The following KLC3 variants were observed in gnomAD, a reference collection of about 807,000 sequenced individuals.
The protein encoded by KLC3 is kinesin light chain 2.
KLC3 carries 72 observed loss-of-function variants against 62.9 expected under a neutral mutation model. That is an observed-to-expected ratio of 1.15 (90% confidence interval 0.95 to 1.39). The LOEUF is 1.39. Ranked by LOEUF, KLC3 falls within the 40% of genes most tolerant of loss-of-function variation. The pLI, the probability that KLC3 is intolerant of heterozygous loss-of-function variation, is 0.00. For synonymous variants in KLC3, 377 were observed against 300.5 expected (o/e 1.25, Z -2.63); for missense variants, 848 against 691.6 (o/e 1.23, Z -2.54).
intron 8 of KLC3, chr19:45,350,110 A>G (rs1971651651): frequency 5.4e-6 from 3 of 552,850 alleles, no homozygotes; most frequent in Non-Finnish European, 6.5e-6. Flanking sequence ...CAGGGGAAGG[A>G]TACGGCCAGG....
intron 3 of KLC3, chr19:45,347,045 C>G: frequency 2.1e-6 from 1 of 483,914 alleles, no homozygotes; most frequent in Non-Finnish European, 3.7e-6. Flanking sequence ...CACCACCTCC[C>G]TCAAACCTTG....
At chr19:45,350,911 ACTCCTGGATTCACT>A in intron 11 of KLC3, 29 bp from the exon 12 acceptor site, 1 of 1,590,250 alleles carries the variant, frequency 6.3e-7, no homozygotes. Flanking sequence ...GAGGGGGGCC[ACTCCTGGATTCACT>A]CATTTCCTCC....
intron 12 of KLC3, 65 bp from the exon 13 acceptor site, chr19:45,351,221 C>T (rs1266931865): frequency 6.3e-7 from 1 of 1,591,262 alleles, no homozygotes; most frequent in Non-Finnish European, 8.6e-7. Flanking sequence ...GGACCTGGAG[C>T]TGGAGGGTGG....
At chr19:45,348,478 T>TA (rs1971566293) in intron 5 of KLC3, among the ~76,000 whole-genome samples, 168 bp from the exon 6 acceptor site, 1 of 151,912 alleles carries the variant, frequency 6.6e-6, no homozygotes, top group African/African-American at 2.4e-5. Context: ...GGCCCAGTGT[T>TA]AGAGAATTGC....
chr19:45,350,046 G>A, intron 8 of KLC3: 2 of 466,686 alleles, frequency 4.3e-6, no homozygotes, highest in South Asian at 5.4e-5. Flanking sequence ...CATCCCCAGG[G>A]CAGGAAGTAA....
At chr19:45,344,669 C>A (rs1030145116) in intron 1 of KLC3, among the ~76,000 whole-genome samples, 1 of 152,004 alleles carries the variant, frequency 6.6e-6, no homozygotes, top group Non-Finnish European at 1.5e-5. Flanking sequence ...ATATGAGGAC[C>A]CCAGAGGCAC....
rs376661134 is a variant in KLC3 at position 45,351,004 on chromosome 19, C to T, written c.1430C>T (p.Ala477Val). ...ACACTGAACGTGGATGCTCCAAGGG[C>T]TCCTGGGACTCAGGTGAGGGGGACA... ...LNTLNVDAPR[A>V]PGTQFPSWHL... is the part of the protein sequence containing the mutation. Residue 477 changes from alanine (A) to valine (V), a missense_variant, in exon 12 of 13, where the codon GCT (alanine) becomes GTT (valine). Coordinates refer to ENST00000391946, the MANE Select transcript of KLC3 (RefSeq NM_177417.3). The T allele has an allele frequency of 3.7e-6, 6 of 1,613,986 alleles. No individual in the cohort carries two copies. Among genetic ancestry groups the T allele is most frequent in the South Asian group, 2.2e-5 (2 of 91,092 alleles).
intron 4 of KLC3, 87 bp from the exon 5 acceptor site, chr19:45,347,846 AGGCAGTCC>A (rs1489180002): frequency 2.9e-6 from 3 of 1,034,744 alleles, no homozygotes; most frequent in Non-Finnish European, 4.3e-6. Context: ...GGGGCCAGTT[AGGCAGTCC>A]GGCAGTTCTG....
At chr19:45,349,408 C>A in intron 7 of KLC3, 21 bp from the exon 8 acceptor site, 1 of 1,589,038 alleles carries the variant, frequency 6.3e-7, no homozygotes, top group Non-Finnish European at 8.6e-7. Context: ...ATCCCTCTGA[C>A]TTGTGACCCC....
chr19:45,349,909 C>G, intron 8 of KLC3: 1 of 448,184 alleles, frequency 2.2e-6, no homozygotes, highest in South Asian at 3.5e-5. Context: ...ATCGCTAGTT[C>G]TTATAGCGTC....
chr19:45,347,348 A>AT lies in KLC3; in HGVS notation c.490-99_490-98insT. The AT allele has an allele frequency of 2.2e-6, 2 of 889,786 alleles. 1 individual carries two copies. Among genetic ancestry groups the AT allele is most frequent in the East Asian group, 5.2e-5 (2 of 38,570 alleles). 55.1% of individuals were successfully genotyped at this position (889,786 alleles called of 1,614,324 possible). ...CAAGCGAAACTCCGTCTCAAAAAAA[A>AT]AAAAAAAACAAAAAAACAAAAACCT... is the stretch of plus-strand genomic sequence containing the variant. On this transcript the variant is annotated intron_variant, in intron 3 of 12. Transcript: ENST00000391946.
chr19:45,348,812 C>A lies in KLC3; in HGVS notation c.868-8C>A. On this transcript the variant is annotated splice_polypyrimidine_tract_variant and splice_region_variant and intron_variant, in intron 6 of 12. Coordinates refer to ENST00000391946, the MANE Select transcript of KLC3 (RefSeq NM_177417.3). ...CATCCCTGACCTGTGCCTCCCCCAA[C>A]CCCGCAGGTGGCCGCCACGCTCAAC... 1 of 1,563,702 alleles carries A rather than the reference C, an allele frequency of 6.4e-7. No individual in the cohort carries two copies. The highest frequency in any genetic ancestry group is 8.7e-7 in the Non-Finnish European group (1 of 1,153,818).
intron 1 of KLC3, among the ~76,000 whole-genome samples, chr19:45,341,554 G>GGTGTGTGTGTGTGTGT (rs773352088): frequency 1.5e-4 from 21 of 144,112 alleles, no homozygotes; most frequent in African/African-American, 4.8e-4. Context: ...TCTGCCTGTT[G>GGTGTGTGTGTGTGTGT]GTGTGTGTGT....
intron 11 of KLC3, 98 bp downstream of exon 11, chr19:45,350,845 C>T: frequency 7.6e-7 from 1 of 1,318,344 alleles, no homozygotes; most frequent in Non-Finnish European, 1.1e-6. Context: ...TTCCATGGCT[C>T]CCATCTCCCC....
In KLC3 at chr19:45,350,361, G is replaced by C. The variant is rs755453083; in HGVS notation, c.1164G>C (p.Gln388His). The change falls in exon 9 of 13, where the codon CAG becomes CAC. Residue 388 changes from glutamine to histidine, a missense_variant. Transcript: ENST00000391946. ...KNNLASAYLK[Q>H]NKYQQAEELY... is the part of the protein sequence containing the mutation. ...CGCAGGCCTCAGCCTACCTGAAACA[G>C]AACAAGTATCAACAAGCGGAAGAGC... 9 of 1,613,294 alleles carry C rather than the reference G, an allele frequency of 5.6e-6. No individual in the cohort carries two copies. The highest frequency in any genetic ancestry group is 2.2e-5 in the East Asian group (1 of 44,834).
intron 8 of KLC3, 41 bp from the exon 9 acceptor site, chr19:45,350,300 A>ACTGGGGTCCGAAAAGTTCC (rs1568526856): frequency 6.6e-7 from 1 of 1,516,742 alleles, no homozygotes; most frequent in South Asian, 1.1e-5. Context: ...AGTGTTGGGA[A>ACTGGGGTCCGAAAAGTTCC]CTGGGGTCCG....
At chr19:45,351,113 C>A in intron 12 of KLC3, 96 bp downstream of exon 12, 1 of 1,606,850 alleles carries the variant, frequency 6.2e-7, no homozygotes, top group Non-Finnish European at 8.5e-7. Flanking sequence ...GTGGAGTCAG[C>A]AGGTGGTGGG....
At chr19:45,349,404 C>T (rs766782480) in intron 7 of KLC3, 25 bp from the exon 8 acceptor site, 5 of 1,584,912 alleles carry the variant, frequency 3.2e-6, no homozygotes, top group Middle Eastern at 1.8e-4. Context: ...TATGATCCCT[C>T]TGACTTGTGA....
rs1247691553 is a variant in KLC3 at position 45,351,475 on chromosome 19, A to C, written c.*118A>C. 2.5e-6 allele frequency: 4 copies of C among 1,585,356 alleles called. No homozygotes were observed. The highest frequency in any genetic ancestry group is 3.4e-6 in the Non-Finnish European group (4 of 1,170,038). Reference sequence around the variant, plus strand: ...CCCCTTGCCTCTGGGTACCTGGTGGATAGCTGCCTTCTCCTGCGATTAAAG... The same window carrying C: ...CCCCTTGCCTCTGGGTACCTGGTGGCTAGCTGCCTTCTCCTGCGATTAAAG... On this transcript the variant is annotated 3_prime_UTR_variant, in exon 13 of 13. Transcript: ENST00000391946.
Sources: gnomAD v4.1 joint callset for allele counts (sites outside exome capture counted in the v4.1 genomes callset) on GRCh38, gnomAD v4.1.1 for gene constraint, MANE v1.5 for transcripts, NCBI Gene and HGNC (gene_info 2026-07-23, HGNC 2026-07-21) for gene names.